The following BCL7B variants were observed in gnomAD, a reference collection of about 807,000 sequenced individuals.
The protein encoded by BCL7B is BAF chromatin remodeling complex subunit BCL7B, also known as B-cell CLL/lymphoma 7 protein family member B.
In BCL7B, 11 loss-of-function variants were observed where a neutral mutation model predicts 26.5. The observed-to-expected ratio is 0.42, with a 90% CI of 0.26 to 0.69. The LOEUF is 0.69. Among genes scored for constraint, BCL7B ranks in the 30% least tolerant of loss-of-function variants. The pLI, the probability that BCL7B is intolerant of heterozygous loss-of-function variation, is 0.28. For missense variants in BCL7B, 215 were observed against 264.4 expected (o/e 0.81, Z 1.30); for synonymous variants, 111 against 107.9 (o/e 1.03, Z -0.18).
intron 2 of BCL7B, among the ~76,000 whole-genome samples, chr7:73,548,592 G>A (rs990690103): frequency 1.3e-5 from 2 of 151,768 alleles, no homozygotes; most frequent in Non-Finnish European, 2.9e-5. Context: ...ATTCCAGCCT[G>A]GGCGACAGAT....
intron 1 of BCL7B, among the ~76,000 whole-genome samples, chr7:73,555,088 T>C (rs1483972541): frequency 4.6e-5 from 7 of 151,988 alleles, no homozygotes; most frequent in African/African-American, 1.7e-4. Context: ...CCATATCAAA[T>C]TGCCATTTTT....
At chr7:73,547,016 AGCT>A (rs1467016244) in intron 2 of BCL7B, among the ~76,000 whole-genome samples, 4 of 152,096 alleles carry the variant, frequency 2.6e-5, no homozygotes, top group Non-Finnish European at 5.9e-5. Flanking sequence ...ATACAAAAGT[AGCT>A]GGGCATGGTG....
At chr7:73,542,798 T>C (rs1554583013) in intron 3 of BCL7B, 3 of 402,496 alleles carry the variant, frequency 7.5e-6, no homozygotes, top group South Asian at 5.3e-5. Context: ...AAACATACAG[T>C]CTAGGCCAGG....
chr7:73,542,061 T>C (rs1247037267), intron 3 of BCL7B, among the ~76,000 whole-genome samples: 1 of 152,212 alleles, frequency 6.6e-6, no homozygotes, highest in Non-Finnish European at 1.5e-5. Flanking sequence ...CACCCTCTCT[T>C]ACTCTCCTGT....
At chr7:73,556,298 G>A (rs1387610483) in intron 1 of BCL7B, among the ~76,000 whole-genome samples, 1 of 152,158 alleles carries the variant, frequency 6.6e-6, no homozygotes, top group Non-Finnish European at 1.5e-5. Flanking sequence ...TAAAGGGATG[G>A]GAGGAGTTAA....
At chr7:73,552,065 C>T (rs1386989390) in intron 2 of BCL7B, 102 bp downstream of exon 2, 1 of 944,572 alleles carries the variant, frequency 1.1e-6, no homozygotes, top group African/African-American at 1.7e-5. Flanking sequence ...TGCACTCCAG[C>T]CTGGGTGACA....
At chr7:73,540,111 C>G in intron 3 of BCL7B, 59 bp from the exon 4 acceptor site, 1 of 1,560,582 alleles carries the variant, frequency 6.4e-7, no homozygotes, top group Non-Finnish European at 8.7e-7. Flanking sequence ...TCAAGAGGAA[C>G]TCTGGACAGA....
At chr7:73,556,022 A>G (rs1792346660) in intron 1 of BCL7B, among the ~76,000 whole-genome samples, 1 of 152,126 alleles carries the variant, frequency 6.6e-6, no homozygotes, top group South Asian at 2.1e-4. Context: ...GTGACAGGGG[A>G]TGGCCCTTCA....
At chr7:73,537,776 T>A (rs868990194) in intron 5 of BCL7B, among the ~76,000 whole-genome samples, 158 bp downstream of exon 5, 1 of 152,024 alleles carries the variant, frequency 6.6e-6, no homozygotes, top group Non-Finnish European at 1.5e-5. Context: ...TAATCCCAGC[T>A]ACTCAGGAGG....
In BCL7B at chr7:73,538,016, G is replaced by T; in HGVS notation, c.437-3C>A. On this transcript the variant is annotated splice_region_variant and splice_polypyrimidine_tract_variant and intron_variant, in intron 4 of 5. Transcript: ENST00000223368. ...TTCCGAGGAGGGCAGGGAGGGCTCTGAAAAGGCAGTAGGGTCGGCCTGAGG... is the reference window on the plus strand; with the variant it reads ...TTCCGAGGAGGGCAGGGAGGGCTCTTAAAAGGCAGTAGGGTCGGCCTGAGG... 6.3e-7 allele frequency: 1 copy of T among 1,594,692 alleles called. No individual in the cohort carries two copies. The highest frequency in any genetic ancestry group is 8.5e-7 in the Non-Finnish European group (1 of 1,170,572).
chr7:73,549,722 C>T (rs547097924), intron 2 of BCL7B, among the ~76,000 whole-genome samples: 55 of 152,320 alleles, frequency 3.6e-4, no homozygotes, highest in South Asian at 3.5e-3. Flanking sequence ...CCCAGCTTCT[C>T]AGGAGGCTGA....
At chr7:73,557,162 G>A (rs1792391884) in intron 1 of BCL7B, 2 of 1,015,280 alleles carry the variant, frequency 2.0e-6, no homozygotes, top group Non-Finnish European at 2.4e-6. Context: ...CAGGAAGAGG[G>A]GAGGGCGGGC....
chr7:73,557,399 G>T, intron 1 of BCL7B, 88 bp downstream of exon 1: 9 of 1,040,774 alleles, frequency 8.6e-6, no homozygotes, highest in Non-Finnish European at 1.1e-5. Flanking sequence ...AGCGCCGGCC[G>T]GTCGGCTCCC....
rs1275221663 is a variant in BCL7B at position 73,536,993 on chromosome 7, G to C, written c.*305C>G. On this transcript the variant is annotated 3_prime_UTR_variant, in exon 6 of 6. Transcript: ENST00000223368. ...CAGAAGCTGCCAGCAGCTCCGTCCA[G>C]AGATTCTGGAGCAGAGACTGCTGCC... is the stretch of plus-strand genomic sequence containing the variant. 1 of 297,452 alleles carries C rather than the reference G, an allele frequency of 3.4e-6. No individual in the cohort carries two copies. The highest frequency in any genetic ancestry group is 6.4e-6 in the Non-Finnish European group (1 of 156,328). The allele number at this position is 297,452 out of a possible 1,614,324, so 18.4% of individuals were successfully genotyped here.
chr7:73,537,918 C>CA lies in BCL7B; in HGVS notation c.516+15dup, dbSNP rs781835317. The CA allele has an allele frequency of 1.2e-5, 18 of 1,564,260 alleles. No homozygotes were observed. Among genetic ancestry groups the CA allele is most frequent in the Non-Finnish European group, 1.5e-5 (17 of 1,157,790 alleles). On this transcript the variant is annotated intron_variant, in intron 5 of 5. Coordinates refer to ENST00000223368, the MANE Select transcript of BCL7B (RefSeq NM_001707.4). ...CAAAAAAACAAAAAACTGGAAAACT[C>CA]AAAGTGATTGCTTACCTGTGTCTCT...
intron 4 of BCL7B, among the ~76,000 whole-genome samples, chr7:73,539,359 C>A (rs957378415): frequency 2.6e-5 from 4 of 152,040 alleles, no homozygotes; most frequent in Admixed American, 2.6e-4. Flanking sequence ...TCAAGTGATT[C>A]TTCTGCCTCA....
At chr7:73,557,176 G>A (rs1383911431) in intron 1 of BCL7B, 2 of 1,022,842 alleles carry the variant, frequency 2.0e-6, no homozygotes, top group African/African-American at 3.4e-5. Flanking sequence ...GGCGGGCCCC[G>A]GGCTGGGCCG....
intron 2 of BCL7B, among the ~76,000 whole-genome samples, chr7:73,546,304 G>A (rs1343357482): frequency 3.9e-5 from 6 of 152,070 alleles, no homozygotes; most frequent in Non-Finnish European, 7.4e-5. Context: ...AGAACAGTCT[G>A]TACCAGAAGG....
At chr7:73,557,313 C>G in intron 1 of BCL7B, 174 bp downstream of exon 1, 1 of 1,165,570 alleles carries the variant, frequency 8.6e-7, no homozygotes, top group Non-Finnish European at 1.1e-6. Flanking sequence ...TGATTGGCCG[C>G]GGCCGGCGCG....
Sources: allele counts gnomAD v4.1 joint callset (sites outside exome capture counted in the v4.1 genomes callset), GRCh38; gene constraint gnomAD v4.1.1; transcripts MANE v1.5; gene names NCBI Gene and HGNC (gene_info 2026-07-23, HGNC 2026-07-21).